PTTG1IP: variants seen among roughly 807,000 people sequenced by gnomAD.
PTTG1IP encodes the protein pituitary tumor-transforming gene 1 protein-interacting protein.
Under a neutral mutation model 24.4 loss-of-function variants are expected in PTTG1IP, and 16 were observed. That is an observed-to-expected ratio of 0.66 (90% CI 0.44 to 1.00). The LOEUF is 1.00. Among genes scored for constraint, PTTG1IP ranks in the 50% least tolerant of loss-of-function variants. PTTG1IP has a pLI of 0.00. For missense variants in PTTG1IP, 241 were observed against 245.8 expected (o/e 0.98, Z 0.13); for synonymous variants, 89 against 96.8 (o/e 0.92, Z 0.47).
At chr21:44,858,578 C>G (rs547518436) in intron 3 of PTTG1IP, among the ~76,000 whole-genome samples, 136 of 152,334 alleles carry the variant, frequency 8.9e-4, no homozygotes, top group Non-Finnish European at 1.5e-3. Context: ...AAATGGCTGC[C>G]TCCCCGAGCC....
At position 44,851,525 on chromosome 21, in the gene PTTG1IP, T is replaced by C; in HGVS notation, c.*56A>G. ...TGGCCACGTGGTCTCCCGGCTGGGC[T>C]GGGCTGCGGAGCGTGCACCTCACAG... is the stretch of plus-strand genomic sequence containing the variant. On this transcript the variant is annotated 3_prime_UTR_variant, in exon 6 of 6. Transcript: ENST00000330938. The C allele has an allele frequency of 6.2e-7, 1 of 1,614,026 alleles. No homozygotes were observed. The highest frequency in any genetic ancestry group is 8.5e-7 in the Non-Finnish European group (1 of 1,179,896).
intron 3 of PTTG1IP, among the ~76,000 whole-genome samples, chr21:44,859,918 A>G (rs899405375): frequency 1.3e-5 from 2 of 152,236 alleles, no homozygotes; most frequent in Non-Finnish European, 2.9e-5. Flanking sequence ...GCAAATAAAC[A>G]AAAAGAATCA....
chr21:44,865,444 C>G lies in PTTG1IP; in HGVS notation c.119G>C (p.Cys40Ser). ...ACAGGTTTTGTTTGTGTTCTGAGAA[C>G]AAGCTGCAGGAAAGAGGCAAGAGAC... ...AAAQEPPGAACSQNTNKTCEE... is the reference protein window; with the variant it reads ...AAAQEPPGAASSQNTNKTCEE... Residue 40 changes from cysteine to serine, a missense_variant, in exon 2 of 6, where the codon TGT becomes TCT. Physicochemically the swap from Cys to Ser is moderately radical, Grantham distance 112. Transcript: ENST00000330938. The G allele has an allele frequency of 3.7e-6, 6 of 1,614,178 alleles. No individual in the cohort carries two copies. Among genetic ancestry groups the G allele is most frequent in the Middle Eastern group, 1.6e-4 (1 of 6,062 alleles).
intron 4 of PTTG1IP, 83 bp downstream of exon 4, chr21:44,856,110 G>C (rs752733841): frequency 6.2e-7 from 1 of 1,611,684 alleles, no homozygotes; most frequent in Non-Finnish European, 8.5e-7. Flanking sequence ...GAAAACTCAG[G>C]ATGTATCCAT....
intron 2 of PTTG1IP, among the ~76,000 whole-genome samples, chr21:44,863,922 C>T (rs949278788): frequency 1.3e-5 from 2 of 152,220 alleles, no homozygotes; most frequent in African/African-American, 4.8e-5. Context: ...TGGCTCATGC[C>T]TTAGAATAGA....
Position 44,873,591 on chromosome 21 carries a change from G to C in PTTG1IP, c.26C>G (p.Pro9Arg). 1 of 1,455,092 alleles carries C rather than the reference G, an allele frequency of 6.9e-7. No individual in the cohort carries two copies. The highest frequency in any genetic ancestry group is 1.3e-5 in the South Asian group (1 of 75,924). The allele number at this position is 1,455,092 out of a possible 1,614,324, so 90.1% of individuals were successfully genotyped here. A position where few individuals can be genotyped will look rare whatever the true frequency, so the allele number is the denominator to read the frequency against. The stretch of plus-strand genomic sequence containing the variant: ...GAGGCGCAACCTCCAGTACGGCGTC[G>C]GCCCGCGGGCCACTCCGGGCGCCAT... MAPGVARG[P>R]TPYWRLRLGG... The change falls in exon 1 of 6, where the codon CCG becomes CGG. Residue 9 changes from proline to arginine, a missense_variant. Transcript: ENST00000330938.
At chr21:44,855,690 G>A (rs1406012042) in intron 4 of PTTG1IP, among the ~76,000 whole-genome samples, 2 of 152,128 alleles carry the variant, frequency 1.3e-5, no homozygotes, top group East Asian at 1.9e-4. Context: ...CTCGCCCGCC[G>A]CCAACCTGAC....
rs1012458150 is a variant in PTTG1IP, at chr21:44,859,435, GCA to G, written c.277+1726_277+1727del. 5.9e-5 allele frequency among the ~76,000 whole-genome samples: 9 copies of G among 152,106 alleles called. No homozygotes were observed. The South Asian group carries it at 8.3e-4, about 14-fold the overall frequency. ...AGGCTATAAGCCGCGGTCCATGTAG[GCA>G]CACACGTGTGCATTATGTAGGCTAT... On this transcript the variant is annotated intron_variant, in intron 3 of 5. Coordinates refer to ENST00000330938, the MANE Select transcript of PTTG1IP (RefSeq NM_004339.4).
chr21:44,855,085 G>A, intron 5 of PTTG1IP, 125 bp downstream of exon 5: 1 of 992,994 alleles, frequency 1.0e-6, no homozygotes, highest in Non-Finnish European at 1.5e-6. Flanking sequence ...TCTCTGGAGA[G>A]ACGTCCTTCT....
At chr21:44,851,883 C>T (rs1388302315) in intron 5 of PTTG1IP, among the ~76,000 whole-genome samples, 1 of 152,146 alleles carries the variant, frequency 6.6e-6, no homozygotes. Flanking sequence ...TGATGCTCGG[C>T]GAAGAAAAGA....
intron 1 of PTTG1IP, among the ~76,000 whole-genome samples, chr21:44,866,943 G>A (rs1274429599): frequency 1.3e-5 from 2 of 152,204 alleles, no homozygotes; most frequent in Admixed American, 1.3e-4. Flanking sequence ...AAACAAACAT[G>A]CGACCACCTA....
chr21:44,855,152 C>T lies in PTTG1IP; in HGVS notation c.496+58G>A, dbSNP rs374972770. 2.8e-3 allele frequency: 4,215 copies of T among 1,527,002 alleles called. 129 individuals are homozygous for T. The South Asian group carries it at 0.043, about 16-fold the overall frequency. The allele number at this position is 1,527,002 out of a possible 1,614,324, so 94.6% of individuals were successfully genotyped here. A position where few individuals can be genotyped will look rare whatever the true frequency, so the allele number is the denominator to read the frequency against. ...AGGCCACACTGGCACTAACGAGGACCGAGACAGCGTGCCATCGCCTCCCAA... is the reference window on the plus strand; with the variant it reads ...AGGCCACACTGGCACTAACGAGGACTGAGACAGCGTGCCATCGCCTCCCAA... On this transcript the variant is annotated intron_variant, in intron 5 of 5. Transcript: ENST00000330938.
At position 44,857,370 on chromosome 21, in the gene PTTG1IP, C is replaced by T. The variant is rs776845816; in HGVS notation, c.278-1006G>A. Among the ~76,000 whole-genome samples the T allele has an allele frequency of 2.6e-5, 4 of 152,132 alleles. 1 individual carries two copies. Among genetic ancestry groups the T allele is most frequent in the Non-Finnish European group, 5.9e-5 (4 of 68,018 alleles). Reference sequence around the variant, plus strand: ...GGGTGTGGTGCATGCACCTCTGGTCCCAGCGACATGGGAGGCTGAGGTGGG... The same window carrying T: ...GGGTGTGGTGCATGCACCTCTGGTCTCAGCGACATGGGAGGCTGAGGTGGG... On this transcript the variant is annotated intron_variant, in intron 3 of 5. Coordinates refer to ENST00000330938, the MANE Select transcript of PTTG1IP (RefSeq NM_004339.4).
In PTTG1IP at chr21:44,861,559, A is replaced by C. The variant is rs537520081; in HGVS notation, c.169-288T>G. Among the ~76,000 whole-genome samples the C allele has an allele frequency of 3.9e-5, 6 of 152,200 alleles. No homozygotes were observed. In the South Asian group the frequency reaches 8.3e-4, roughly 21 times the overall value. On this transcript the variant is annotated intron_variant, in intron 2 of 5. Transcript: ENST00000330938. ...GAGGCCACGGGGCCTCTGTGTTGGC[A>C]GCCTCCTGAGTGCTGCCAACCCCAC...
chr21:44,859,768 C>A (rs956961002), intron 3 of PTTG1IP, among the ~76,000 whole-genome samples: 2 of 152,180 alleles, frequency 1.3e-5, no homozygotes, highest in Non-Finnish European at 2.9e-5. Flanking sequence ...ACTACAACCA[C>A]CACCACCACA....
At position 44,861,669 on chromosome 21, in the gene PTTG1IP, G is replaced by A. The variant is rs113180682; in HGVS notation, c.169-398C>T. 0.011 allele frequency: 7,527 copies of A among 712,916 alleles called. 388 individuals carry two copies. In the African/African-American group the frequency reaches 0.11, roughly 11 times the overall value. 44.2% of individuals were successfully genotyped at this position (712,916 alleles called of 1,614,324 possible). ...TGTGTGGCTCCCCACTGACTGGATG[G>A]GCCCTGCCTCGATCAACAGACTGGA... On this transcript the variant is annotated intron_variant, in intron 2 of 5. Transcript: ENST00000330938.
At chr21:44,858,702 T>A (rs1373525733) in intron 3 of PTTG1IP, among the ~76,000 whole-genome samples, 1 of 152,198 alleles carries the variant, frequency 6.6e-6, no homozygotes, top group Admixed American at 6.5e-5. Context: ...GTCCATCCAC[T>A]TCTGCAGCCT....
In PTTG1IP at chr21:44,859,840, T is replaced by C. The variant is rs73374528; in HGVS notation, c.277+1323A>G. Among the ~76,000 whole-genome samples, 485 of 152,328 alleles carry C rather than the reference T, an allele frequency of 3.2e-3. 5 individuals carry two copies. The highest frequency in any genetic ancestry group is 0.011 in the African/African-American group (442 of 41,562). On this transcript the variant is annotated intron_variant, in intron 3 of 5. Coordinates refer to ENST00000330938, the MANE Select transcript of PTTG1IP (RefSeq NM_004339.4). ...ACAAGTTGTTTCAGATGGAGGCTGA[T>C]AGATTTTGAAATGGAAATCAATTAG...
At chr21:44,856,061 C>A in intron 4 of PTTG1IP, 132 bp downstream of exon 4, 1 of 1,557,362 alleles carries the variant, frequency 6.4e-7, no homozygotes, top group Non-Finnish European at 8.7e-7. Context: ...TAGAAGATCC[C>A]CTGGGCACTA....
Sources: gnomAD v4.1 joint callset for allele counts (sites outside exome capture counted in the v4.1 genomes callset) on GRCh38, gnomAD v4.1.1 for gene constraint, MANE v1.5 for transcripts, NCBI Gene and HGNC (gene_info 2026-07-23, HGNC 2026-07-21) for gene names.